MAMDC2: variants seen among roughly 807,000 people sequenced by gnomAD.
MAMDC2 encodes MAM domain-containing protein 2.
In MAMDC2, 57 loss-of-function variants were observed where a neutral mutation model predicts 89.8. The observed-to-expected ratio is 0.63, with a 90% confidence interval of 0.51 to 0.79. The LOEUF is 0.79. Ranked by LOEUF, MAMDC2 falls within the 30% of genes least tolerant of loss-of-function variation. MAMDC2 has a pLI of 0.00. For synonymous variants in MAMDC2, 313 were observed against 293.4 expected (o/e 1.07, Z -0.68); for missense variants, 800 against 820.6 (o/e 0.97, Z 0.31).
At chr9:70,208,372 G>A (rs1049711466) in intron 11 of MAMDC2, among the ~76,000 whole-genome samples, 1 of 152,102 alleles carries the variant, frequency 6.6e-6, no homozygotes, top group Non-Finnish European at 1.5e-5. Flanking sequence ...GGATTCCTAG[G>A]TATTTTATTC....
At chr9:70,112,724 G>A (rs1311133178) in intron 4 of MAMDC2, among the ~76,000 whole-genome samples, 1 of 152,086 alleles carries the variant, frequency 6.6e-6, no homozygotes, top group East Asian at 1.9e-4. Context: ...GAGACACAGA[G>A]GCTACAAAAA....
intron 11 of MAMDC2, among the ~76,000 whole-genome samples, chr9:70,186,453 C>A (rs1399147843): frequency 2.0e-5 from 3 of 152,124 alleles, no homozygotes; most frequent in Non-Finnish European, 4.4e-5. Context: ...TCCTTAACAG[C>A]CATTTATTTA....
intron 2 of MAMDC2, among the ~76,000 whole-genome samples, chr9:70,066,054 A>C (rs1001750870): frequency 6.6e-6 from 1 of 152,222 alleles, no homozygotes; most frequent in African/African-American, 2.4e-5. Flanking sequence ...AAGGGGAAAC[A>C]TGACATTCAC....
chr9:70,062,138 C>G (rs1342405760), intron 2 of MAMDC2, among the ~76,000 whole-genome samples: 1 of 152,018 alleles, frequency 6.6e-6, no homozygotes, highest in Non-Finnish European at 1.5e-5. Flanking sequence ...TTTGAAATTT[C>G]TATGCTTGCT....
chr9:70,097,707 G>T (rs1055780446), intron 2 of MAMDC2, among the ~76,000 whole-genome samples: 1 of 152,006 alleles, frequency 6.6e-6, no homozygotes, highest in Admixed American at 6.5e-5. Context: ...TTAGAAGTGG[G>T]ACCTGCCTAT....
At chr9:70,100,023 A>AGAGC (rs1359855878) in intron 2 of MAMDC2, among the ~76,000 whole-genome samples, 9 of 142,770 alleles carry the variant, frequency 6.3e-5, no homozygotes, top group South Asian at 2.3e-4. Context: ...AGAGAGAGAG[A>AGAGC]GCACAAGCAC....
chr9:70,171,946 C>G (rs992468283), intron 11 of MAMDC2: 1 of 151,888 alleles, frequency 6.6e-6, no homozygotes. Flanking sequence ...GCAGTTTGGA[C>G]AAGCTTGATC....
intron 2 of MAMDC2, among the ~76,000 whole-genome samples, chr9:70,094,616 C>T (rs951741525): frequency 2.0e-5 from 3 of 151,868 alleles, no homozygotes; most frequent in Admixed American, 6.6e-5. Context: ...AGGAGATTTC[C>T]ATAATAAAAA....
intron 11 of MAMDC2, chr9:70,217,335 G>A: frequency 1.4e-6 from 2 of 1,397,718 alleles, no homozygotes; most frequent in African/African-American, 1.4e-5. Context: ...GGAATCCTTG[G>A]CAGATAAACT....
chr9:70,059,830 C>A (rs1215608153), intron 2 of MAMDC2, among the ~76,000 whole-genome samples: 1 of 152,190 alleles, frequency 6.6e-6, no homozygotes, highest in African/African-American at 2.4e-5. Flanking sequence ...CACCCAAATA[C>A]CCAATTCATG....
At chr9:70,074,258 T>A (rs1425778795) in intron 2 of MAMDC2, among the ~76,000 whole-genome samples, 2 of 152,238 alleles carry the variant, frequency 1.3e-5, no homozygotes, top group African/African-American at 4.8e-5. Context: ...AGATAATTTT[T>A]AAGGGCATTT....
Position 70,045,447 on chromosome 9 carries a change from C to T in MAMDC2, c.148+750C>T, listed in dbSNP as rs971393548. On this transcript the variant is annotated intron_variant, in intron 2 of 13. Coordinates refer to ENST00000377182, the MANE Select transcript of MAMDC2 (RefSeq NM_153267.5). ...CCAATGGCAGGCGGCACTGGGTGTC[C>T]CTTCTTTCCTTTCTCTCTCTTTTGT... Among the ~76,000 whole-genome samples the T allele has an allele frequency of 2.0e-5, 3 of 152,040 alleles. No individual in the cohort carries two copies. In the South Asian group the frequency reaches 6.3e-4, roughly 32 times the overall value.
At chr9:70,108,180 A>ATCCTTTTCCTATGT (rs777606704) in intron 2 of MAMDC2, 31 bp from the exon 3 acceptor site, 2 of 1,507,804 alleles carry the variant, frequency 1.3e-6, no homozygotes, top group East Asian at 4.8e-5. Flanking sequence ...ACAAAAATTG[A>ATCCTTTTCCTATGT]TCCTTTTCCT....
intron 5 of MAMDC2, among the ~76,000 whole-genome samples, chr9:70,122,571 G>A (rs1234046297): frequency 6.6e-6 from 1 of 152,146 alleles, no homozygotes; most frequent in Non-Finnish European, 1.5e-5. Context: ...CTGGGGACAG[G>A]CCCAGTGTCC....
Position 70,126,242 on chromosome 9 carries a change from A to C in MAMDC2, c.727A>C (p.Met243Leu), listed in dbSNP as rs61998197. 1 of 1,613,670 alleles carries C rather than the reference A, an allele frequency of 6.2e-7. No individual in the cohort carries two copies. The highest frequency in any genetic ancestry group is 8.5e-7 in the Non-Finnish European group (1 of 1,179,982). Residue 243 changes from methionine to leucine, a missense_variant, in exon 6 of 14, where the codon ATG (methionine) becomes CTG (leucine). By Grantham distance (15) the Met-to-Leu change is conservative. Coordinates refer to ENST00000377182, the MANE Select transcript of MAMDC2 (RefSeq NM_153267.5). The stretch of plus-strand genomic sequence containing the variant: ...CATCTCCCCGTTGACCACGGCCCCC[A>C]TGGCTGGCTGCCTGTCATTTTATTA... ...QLISPLTTAP[M>L]AGCLSFYYQI...
chr9:70,055,487 C>A (rs1198936699), intron 2 of MAMDC2, among the ~76,000 whole-genome samples: 1 of 152,060 alleles, frequency 6.6e-6, no homozygotes, highest in Non-Finnish European at 1.5e-5. Flanking sequence ...TTTTGTTATT[C>A]CAGAGGTCAA....
In MAMDC2 at chr9:70,108,254, G is replaced by A. The variant is rs1828394824; in HGVS notation, c.192G>A (p.Glu64=). The A allele has an allele frequency of 6.2e-7, 1 of 1,611,974 alleles. No homozygotes were observed. The highest frequency in any genetic ancestry group is 1.1e-5 in the South Asian group (1 of 90,540). The change falls in exon 3 of 14, where the codon GAG becomes GAA. Residue 64 remains glutamate, a synonymous_variant. Coordinates refer to ENST00000377182, the MANE Select transcript of MAMDC2 (RefSeq NM_153267.5). ...ATACCTCCTTTGGCAAGCAGGGGGAGAAAGCTGTGCTGCTAAGTCCTGACT... is the reference window on the plus strand; with the variant it reads ...ATACCTCCTTTGGCAAGCAGGGGGAAAAAGCTGTGCTGCTAAGTCCTGACT... ...YVDTSFGKQG[E]KAVLLSPDLQ... is the part of the protein sequence containing the mutation.
chr9:70,188,937 T>C (rs1468143588), intron 11 of MAMDC2, among the ~76,000 whole-genome samples: 1 of 151,978 alleles, frequency 6.6e-6, no homozygotes, highest in African/African-American at 2.4e-5. Context: ...ATAATCTAGT[T>C]CATATTAACT....
At chr9:70,217,375 A>C (rs1201778347) in intron 11 of MAMDC2, 4 of 1,340,296 alleles carry the variant, frequency 3.0e-6, no homozygotes, top group Non-Finnish European at 4.3e-6. Context: ...GAAGCACAAA[A>C]AGGGAGAGTC....
Sources: gnomAD v4.1 joint callset for allele counts (sites outside exome capture counted in the v4.1 genomes callset) on GRCh38, gnomAD v4.1.1 for gene constraint, MANE v1.5 for transcripts, NCBI Gene and HGNC (gene_info 2026-07-23, HGNC 2026-07-21) for gene names.